SFMBT1: variants seen among roughly 807,000 people sequenced by gnomAD.
SFMBT1 encodes the protein scm-like with four MBT domains protein 1.
SFMBT1 carries 32 observed loss-of-function variants against 108.7 expected under a neutral mutation model. The ratio of observed to expected loss-of-function variants is 0.29; its 90% CI spans 0.22 to 0.40. The LOEUF (loss-of-function observed/expected upper bound fraction) is 0.40, where lower values mean the gene tolerates loss of function less well. Ranked by LOEUF, SFMBT1 falls within the 10% of genes least tolerant of loss-of-function variation. The pLI is 1.00. For synonymous variants in SFMBT1, 348 were observed against 369.5 expected (o/e 0.94, Z 0.67); for missense variants, 816 against 1,059.6 (o/e 0.77, Z 3.19).
intron 1 of SFMBT1, among the ~76,000 whole-genome samples, chr3:52,984,466 G>T (rs1704833255): frequency 6.6e-6 from 1 of 151,346 alleles, no homozygotes; most frequent in Non-Finnish European, 1.5e-5. Context: ...ACGTTCTCTA[G>T]GTTTACCAAT....
At position 53,022,768 on chromosome 3, in the gene SFMBT1, A is replaced by G. The variant is rs540358878; in HGVS notation, c.-131+23048T>C. Among the ~76,000 whole-genome samples, 72 of 152,280 alleles carry G rather than the reference A, an allele frequency of 4.7e-4. 2 individuals are homozygous for G. The South Asian group carries it at 0.015, about 31-fold the overall frequency. ...TACCTGGAGCGGGGTGGAGCGGGAAATGGGAAGTTATTATTTAATGTGTAT... is the reference window on the plus strand; with the variant it reads ...TACCTGGAGCGGGGTGGAGCGGGAAGTGGGAAGTTATTATTTAATGTGTAT... On this transcript the variant is annotated intron_variant, in intron 1 of 20. Coordinates refer to ENST00000394752, the MANE Select transcript of SFMBT1 (RefSeq NM_016329.4).
At chr3:52,984,251 C>T (rs954082491) in intron 1 of SFMBT1, among the ~76,000 whole-genome samples, 1 of 152,192 alleles carries the variant, frequency 6.6e-6, no homozygotes, top group African/African-American at 2.4e-5. Context: ...AAGGTTTGTT[C>T]TTGGAGTTTT....
intron 1 of SFMBT1, among the ~76,000 whole-genome samples, chr3:52,976,746 A>G (rs1559534102): frequency 1.3e-5 from 2 of 152,248 alleles, no homozygotes; most frequent in African/African-American, 4.8e-5. Context: ...AACAGCACCT[A>G]TTAGATAAAT....
Position 52,947,406 on chromosome 3 carries a change from C to T in SFMBT1, c.124-3813G>A, listed in dbSNP as rs547467189. 5.3e-5 allele frequency among the ~76,000 whole-genome samples: 8 copies of T among 152,262 alleles called. No homozygotes were observed. In the East Asian group the frequency reaches 7.7e-4, roughly 15 times the overall value. On this transcript the variant is annotated intron_variant, in intron 3 of 20. Coordinates refer to ENST00000394752, the MANE Select transcript of SFMBT1 (RefSeq NM_016329.4). ...TGCTGGGATTACAGGCGTGAGCCAC[C>T]GCGCCCAGCCCCTTTTTTCACTTTT...
intron 1 of SFMBT1, among the ~76,000 whole-genome samples, chr3:52,984,848 G>A (rs1704850690): frequency 5.3e-5 from 8 of 151,244 alleles, no homozygotes; most frequent in Admixed American, 4.6e-4. Flanking sequence ...CTGGTCCACA[G>A]TTGGCTAAGT....
At chr3:53,010,911 C>T (rs529815990) in intron 1 of SFMBT1, among the ~76,000 whole-genome samples, 2 of 152,250 alleles carry the variant, frequency 1.3e-5, no homozygotes, top group African/African-American at 4.8e-5. Context: ...TCAGTATTTA[C>T]CAACACAGTT....
Position 52,921,777 on chromosome 3 carries a change from TG to T in SFMBT1, c.1185del (p.Ile396PhefsTer14). 6.2e-7 allele frequency: 1 copy of T among 1,614,090 alleles called. No homozygotes were observed. Among genetic ancestry groups the T allele is most frequent in the Non-Finnish European group, 8.5e-7 (1 of 1,179,980 alleles). ...GCAACACACACTTCTTCAGGGAGAA[TG>T]GGGTTCACCGCCTCGAGCTTCATGT... ...KENMKLEAVNPILPEEVCVAT... is the reference protein window; with the variant it reads ...KENMKLEAVNXILPEEVCVAT... On this transcript the variant is annotated frameshift_variant, in exon 11 of 21. Coordinates refer to ENST00000394752, the MANE Select transcript of SFMBT1 (RefSeq NM_016329.4). LOFTEE classifies it high-confidence loss of function.
chr3:52,977,574 C>T lies in SFMBT1; in HGVS notation c.-130-8316G>A, dbSNP rs565800408. Reference sequence around the variant, plus strand: ...CAGGGTCAATCAATACATAATGGCACATCCACAAGATGAAAGTTAAAAAGA... The same window carrying T: ...CAGGGTCAATCAATACATAATGGCATATCCACAAGATGAAAGTTAAAAAGA... On this transcript the variant is annotated intron_variant, in intron 1 of 20. Coordinates refer to ENST00000394752, the MANE Select transcript of SFMBT1 (RefSeq NM_016329.4). Among the ~76,000 whole-genome samples, 3 of 152,176 alleles carry T rather than the reference C, an allele frequency of 2.0e-5. No homozygotes were observed. The South Asian group carries it at 6.2e-4, about 32-fold the overall frequency.
intron 1 of SFMBT1, among the ~76,000 whole-genome samples, chr3:53,015,317 G>A (rs540223856): frequency 2.6e-5 from 4 of 151,876 alleles, no homozygotes; most frequent in African/African-American, 9.7e-5. Context: ...GTGCTGTCAA[G>A]GATGTGGAGA....
chr3:52,946,993 A>C (rs1703390326), intron 3 of SFMBT1, among the ~76,000 whole-genome samples: 1 of 151,952 alleles, frequency 6.6e-6, no homozygotes. Flanking sequence ...GCTGGTCTCT[A>C]ACTCTGGGCC....
At chr3:52,991,973 G>T (rs1488893634) in intron 1 of SFMBT1, among the ~76,000 whole-genome samples, 2 of 152,228 alleles carry the variant, frequency 1.3e-5, no homozygotes, top group African/African-American at 4.8e-5. Flanking sequence ...CCGAGGAGGA[G>T]ATTGTCCATT....
chr3:52,931,960 C>CAA, intron 6 of SFMBT1, 102 bp downstream of exon 6: 8 of 1,312,692 alleles, frequency 6.1e-6, no homozygotes, highest in Non-Finnish European at 8.2e-6. Context: ...TGAGAACTAA[C>CAA]AAAGGTTTTC....
intron 3 of SFMBT1, among the ~76,000 whole-genome samples, chr3:52,945,137 A>AAAAAAAAAAAC (rs1491557344): frequency 8.3e-5 from 8 of 95,942 alleles, no homozygotes; most frequent in African/African-American, 3.3e-4. Flanking sequence ...CCTTCCAATT[A>AAAAAAAAAAAC]AAAAAAAAAA....
rs369500798 is a variant in SFMBT1, at chr3:52,905,144, C to T, written c.2593G>A (p.Ala865Thr). 28 of 1,613,280 alleles carry T rather than the reference C, an allele frequency of 1.7e-5. No individual in the cohort carries two copies. The highest frequency in any genetic ancestry group is 1.6e-4 in the Middle Eastern group (1 of 6,078). ...CACTTTGGTTGTCCTTCTCAGTTGG[C>T]AAACTGCTCATAAAAAGCAAACTTG... The part of the protein sequence containing the change: ...RIKFAFYEQF[A>T]N Residue 865 changes from alanine (A) to threonine (T), a missense_variant, in exon 21 of 21, where the codon GCC becomes ACC. This residue lies in a region of SFMBT1 where 49 missense variants were observed against 91.8 expected (regional missense o/e 0.53). Coordinates refer to ENST00000394752, the MANE Select transcript of SFMBT1 (RefSeq NM_016329.4).
chr3:53,045,385 G>T (rs1181608572), intron 1 of SFMBT1: 1 of 143,170 alleles, frequency 7.0e-6, no homozygotes, highest in Non-Finnish European at 1.5e-5. Context: ...CGCGCGCGGG[G>T]AGGGGCGCGC....
Position 53,001,767 on chromosome 3 carries a change from T to C in SFMBT1, c.-130-32509A>G, listed in dbSNP as rs990807196. Among the ~76,000 whole-genome samples the C allele has an allele frequency of 5.5e-5, 8 of 145,788 alleles. 1 individual carries two copies. Among genetic ancestry groups the C allele is most frequent in the Middle Eastern group, 7.0e-3 (2 of 284 alleles). ...CTATCTCTACCAAAAAAAAAAAAAA[T>C]TGTAAAAAATTTGCCAGGCATGGTG... On this transcript the variant is annotated intron_variant, in intron 1 of 20. Coordinates refer to ENST00000394752, the MANE Select transcript of SFMBT1 (RefSeq NM_016329.4).
chr3:52,923,219 G>A (rs1478968720), intron 10 of SFMBT1, among the ~76,000 whole-genome samples: 2 of 152,166 alleles, frequency 1.3e-5, no homozygotes, highest in Non-Finnish European at 2.9e-5. Flanking sequence ...TGTGTGGGGG[G>A]TGGATTAATT....
intron 3 of SFMBT1, 79 bp from the exon 4 acceptor site, chr3:52,943,672 T>A (rs1703267280): frequency 6.3e-7 from 1 of 1,575,042 alleles, no homozygotes; most frequent in Non-Finnish European, 8.7e-7. Flanking sequence ...TTTTTAAGAC[T>A]TACAATTCCG....
At chr3:53,010,262 C>T (rs998477019) in intron 1 of SFMBT1, among the ~76,000 whole-genome samples, 1 of 152,208 alleles carries the variant, frequency 6.6e-6, no homozygotes, top group African/African-American at 2.4e-5. Flanking sequence ...AACCAGAAAG[C>T]TATTCTGGCT....
Sources: allele counts gnomAD v4.1 joint callset (sites outside exome capture counted in the v4.1 genomes callset), GRCh38; gene constraint gnomAD v4.1.1; regional missense constraint gnomAD v4.1.1; transcripts MANE v1.5; gene names NCBI Gene and HGNC (gene_info 2026-07-23, HGNC 2026-07-21).